The following FIP1L1 variants were observed in gnomAD, a reference collection of about 807,000 sequenced individuals.
FIP1L1 encodes factor interacting with PAPOLA and CPSF1.
A neutral mutation model predicts 84.6 loss-of-function variants in FIP1L1; 21 were observed. That is an observed-to-expected ratio of 0.25 (90% confidence interval 0.18 to 0.36). The LOEUF (loss-of-function observed/expected upper bound fraction) is 0.36. Among genes scored for constraint, FIP1L1 ranks in the 10% least tolerant of loss-of-function variants. The pLI is 1.00. For synonymous variants in FIP1L1, 263 were observed against 242.3 expected, an observed-to-expected ratio of 1.09 and a Z score of -0.80; for missense variants, 526 against 751.1, an observed-to-expected ratio of 0.70 and a Z score of 3.50.
intron 9 of FIP1L1, among the ~76,000 whole-genome samples, chr4:53,398,543 C>T (rs1748599595): frequency 1.3e-5 from 2 of 152,108 alleles, no homozygotes; most frequent in African/African-American, 4.8e-5. Context: ...TTCTCTTGGC[C>T]TTTGCCTCAT....
At chr4:53,430,757 T>C (rs1766288821) in intron 13 of FIP1L1, among the ~76,000 whole-genome samples, 1 of 152,238 alleles carries the variant, frequency 6.6e-6, no homozygotes, top group Non-Finnish European at 1.5e-5. Flanking sequence ...AATCTATTTT[T>C]CTACTTAATT....
intron 9 of FIP1L1, among the ~76,000 whole-genome samples, chr4:53,397,818 G>C (rs1748202993): frequency 1.3e-5 from 2 of 152,184 alleles, no homozygotes; most frequent in Admixed American, 6.5e-5. Flanking sequence ...CAGCTCAGTA[G>C]ATGATGGTGC....
chr4:53,391,218 A>C (rs992139809), intron 8 of FIP1L1, 79 bp downstream of exon 8: 14 of 1,454,480 alleles, frequency 9.6e-6, no homozygotes, highest in African/African-American at 2.8e-5. Flanking sequence ...GCTTCCCTAT[A>C]AAAGTGGTTA....
chr4:53,406,714 AACTTCTTCC>A (rs1456764839), intron 10 of FIP1L1, among the ~76,000 whole-genome samples: 4 of 152,156 alleles, frequency 2.6e-5, no homozygotes, highest in African/African-American at 9.7e-5. Context: ...TCAGGGATTC[AACTTCTTCC>A]TGGTTTAGTC....
At chr4:53,407,618 C>T (rs1176129721) in intron 10 of FIP1L1, among the ~76,000 whole-genome samples, 1 of 151,424 alleles carries the variant, frequency 6.6e-6, no homozygotes, top group Non-Finnish European at 1.5e-5. Context: ...GGTGTTAAGT[C>T]TCCCATTTTT....
intron 10 of FIP1L1, among the ~76,000 whole-genome samples, chr4:53,412,650 T>G (rs1757726953): frequency 1.3e-5 from 2 of 152,110 alleles, no homozygotes. Flanking sequence ...GTGTATTGGC[T>G]TGGAGATACA....
At chr4:53,444,153 C>A in intron 15 of FIP1L1, 50 bp downstream of exon 15, 1 of 1,195,822 alleles carries the variant, frequency 8.4e-7, no homozygotes, top group South Asian at 1.2e-5. Flanking sequence ...CAGTAAAGTA[C>A]TTGAATATTT....
intron 13 of FIP1L1, chr4:53,440,636 CATT>C (rs1254899867): frequency 1.4e-6 from 2 of 1,455,788 alleles, no homozygotes; most frequent in African/African-American, 1.4e-5. Flanking sequence ...TTTTCTCCAT[CATT>C]GTTAATAAAC....
intron 3 of FIP1L1, among the ~76,000 whole-genome samples, chr4:53,379,865 G>A (rs543857884): frequency 7.2e-5 from 11 of 152,238 alleles, no homozygotes; most frequent in East Asian, 1.9e-4. Context: ...TGGAGATGTC[G>A]GCTTTACCCT....
chr4:53,413,397 G>C (rs1758044183), intron 10 of FIP1L1, among the ~76,000 whole-genome samples: 1 of 152,060 alleles, frequency 6.6e-6, no homozygotes, highest in Non-Finnish European at 1.5e-5. Flanking sequence ...GCATTTTCAA[G>C]ATGAAATTTC....
intron 9 of FIP1L1, 34 bp from the exon 10 acceptor site, chr4:53,399,696 A>G: frequency 7.1e-7 from 1 of 1,406,326 alleles, no homozygotes. Context: ...GTGTTCTGTT[A>G]AATTCAACAA....
intron 11 of FIP1L1, among the ~76,000 whole-genome samples, chr4:53,421,719 T>G (rs949670890): frequency 7.2e-5 from 11 of 152,220 alleles, no homozygotes; most frequent in Admixed American, 2.0e-4. Flanking sequence ...TACATTGATA[T>G]GTGATTCACC....
At chr4:53,379,381 A>G (rs1238843018) in intron 3 of FIP1L1, 117 bp downstream of exon 3, 2 of 858,732 alleles carry the variant, frequency 2.3e-6, no homozygotes, top group Non-Finnish European at 3.7e-6. Context: ...GACTTACAAC[A>G]TTTTGGAGGA....
chr4:53,432,201 G>A (rs1418953771), intron 13 of FIP1L1, among the ~76,000 whole-genome samples: 1 of 151,772 alleles, frequency 6.6e-6, no homozygotes, highest in Non-Finnish European at 1.5e-5. Flanking sequence ...TTCAAGATCA[G>A]CCTGGCCAAC....
At chr4:53,434,647 T>A (rs1032470429) in intron 13 of FIP1L1, among the ~76,000 whole-genome samples, 8 of 152,124 alleles carry the variant, frequency 5.3e-5, no homozygotes, top group African/African-American at 1.9e-4. Context: ...AATTTTGTAA[T>A]TTTAGAGATG....
rs1578316414 is a variant in FIP1L1 at position 53,399,776 on chromosome 4, C to A, written c.752C>A (p.Pro251Gln). 1 of 1,613,152 alleles carries A rather than the reference C, an allele frequency of 6.2e-7. No homozygotes were observed. Among genetic ancestry groups the A allele is most frequent in the South Asian group, 1.1e-5 (1 of 91,042 alleles). The change falls in exon 10 of 18, where the codon CCA (proline) becomes CAA (glutamine). Residue 251 changes from proline (P) to glutamine (Q), a missense_variant. By Grantham distance (76) the Pro-to-Gln change is moderately conservative. Transcript: ENST00000337488. ...TGNSEKETALPSTKAEFTSPP... is the reference protein window; with the variant it reads ...TGNSEKETALQSTKAEFTSPP... The stretch of plus-strand genomic sequence containing the variant: ...AACTCAGAGAAAGAAACTGCCCTTC[C>A]ATCTACAAAAGCTGAGTTTACTTCT...
chr4:53,395,137 G>T (rs1746541855), intron 9 of FIP1L1, among the ~76,000 whole-genome samples: 1 of 152,124 alleles, frequency 6.6e-6, no homozygotes, highest in Non-Finnish European at 1.5e-5. Context: ...TTATGTTACT[G>T]GTTAGACAAA....
chr4:53,377,886 G>T lies in FIP1L1; in HGVS notation c.48G>T (p.Gly16=). Residue 16 remains glycine, a synonymous_variant, in exon 1 of 18, where the codon GGG becomes GGT. Coordinates refer to ENST00000337488, the MANE Select transcript of FIP1L1 (RefSeq NM_030917.4). ...GCCTAGTGTCGGAGCTGAGCGGCGG[G>T]ACCGGAGGGGATGAGGAGGAAGAGT... The part of the protein sequence containing the change: ...VERLVSELSG[G]TGGDEEEEWL... 6.2e-7 allele frequency: 1 copy of T among 1,601,728 alleles called. No individual in the cohort carries two copies. The highest frequency in any genetic ancestry group is 1.1e-5 in the South Asian group (1 of 89,020).
Position 53,460,042 on chromosome 4 carries a change from G to C in FIP1L1, c.*593G>C, listed in dbSNP as rs573999756. On this transcript the variant is annotated 3_prime_UTR_variant, in exon 18 of 18. Coordinates refer to ENST00000337488, the MANE Select transcript of FIP1L1 (RefSeq NM_030917.4). Reference sequence around the variant, plus strand: ...ATAAAACCTATAAGGCATCTGGGTGGCCTCTATGAAATAAATTAATTAATT... The same window carrying C: ...ATAAAACCTATAAGGCATCTGGGTGCCCTCTATGAAATAAATTAATTAATT... The C allele has an allele frequency of 1.4e-4, 19 of 136,364 alleles. No individual in the cohort carries two copies. Among genetic ancestry groups the C allele is most frequent in the African/African-American group, 6.5e-4 (17 of 26,340 alleles). 8.4% of individuals were successfully genotyped at this position (136,364 alleles called of 1,614,324 possible).
Sources: allele counts gnomAD v4.1 joint callset (sites outside exome capture counted in the v4.1 genomes callset), GRCh38; gene constraint gnomAD v4.1.1; transcripts MANE v1.5; gene names NCBI Gene and HGNC (gene_info 2026-07-23, HGNC 2026-07-21).